DHRSX: variants seen among roughly 807,000 people sequenced by gnomAD.
DHRSX encodes the protein dehydrogenase/reductase X-linked, also known as polyprenol dehydrogenase.
DHRSX carries 31 observed loss-of-function variants against 34.0 expected under a neutral mutation model. The observed-to-expected ratio is 0.91, with a 90% confidence interval of 0.69 to 1.23. The LOEUF (loss-of-function observed/expected upper bound fraction) is 1.23. DHRSX is among the 50% of genes most tolerant of loss of function. DHRSX has a pLI of 0.00. For missense variants in DHRSX, 414 were observed against 428.1 expected, an observed-to-expected ratio of 0.97 and a Z score of 0.29; for synonymous variants, 201 against 183.8, an observed-to-expected ratio of 1.09 and a Z score of -0.76.
intron 1 of DHRSX, among the ~76,000 whole-genome samples, chrX:2,479,492 C>A (rs764365774): frequency 1.3e-5 from 2 of 151,776 alleles, no homozygotes; most frequent in Non-Finnish European, 2.9e-5. Context: ...ACGGGACCAC[C>A]GTGTACGCAC....
At chrX:2,426,256 T>C (rs2043845258) in intron 1 of DHRSX, among the ~76,000 whole-genome samples, 1 of 152,186 alleles carries the variant, frequency 6.6e-6, no homozygotes, top group Non-Finnish European at 1.5e-5. Flanking sequence ...GCAGATAGCA[T>C]CTCACTTGAA....
rs1219872524 is a variant in DHRSX, at chrX:2,276,538, A to G, written c.389-9591T>C. ...AATTCAAAGGTGGAAAATACGCAAT[A>G]CAATTATCGTTCATTGGTCTGTGCA... On this transcript the variant is annotated intron_variant, in intron 4 of 6. Coordinates refer to ENST00000334651, the MANE Select transcript of DHRSX (RefSeq NM_145177.3). Among the ~76,000 whole-genome samples, 5 of 152,174 alleles carry G rather than the reference A, an allele frequency of 3.3e-5. No homozygotes were observed. The East Asian group carries it at 9.6e-4, about 29-fold the overall frequency.
At chrX:2,270,429 G>A (rs981606311) in intron 4 of DHRSX, among the ~76,000 whole-genome samples, 25 of 152,248 alleles carry the variant, frequency 1.6e-4, no homozygotes, top group African/African-American at 5.5e-4. Context: ...TCCAGCTCCC[G>A]AAGAGACAAG....
At chrX:2,282,568 G>A (rs1440433149) in intron 4 of DHRSX, among the ~76,000 whole-genome samples, 1 of 145,458 alleles carries the variant, frequency 6.9e-6, no homozygotes, top group Non-Finnish European at 1.5e-5. Flanking sequence ...GTGCGAGAGG[G>A]AAACAGAAAG....
At chrX:2,230,032 G>C (rs1041049793) in intron 6 of DHRSX, among the ~76,000 whole-genome samples, 1 of 152,208 alleles carries the variant, frequency 6.6e-6, no homozygotes, top group Non-Finnish European at 1.5e-5. Flanking sequence ...TGTGGGCACA[G>C]ATGTGTGGAT....
chrX:2,400,125 A>G (rs1471662907), intron 3 of DHRSX, among the ~76,000 whole-genome samples: 1 of 152,338 alleles, frequency 6.6e-6, no homozygotes, highest in East Asian at 1.9e-4. Flanking sequence ...TCTCGGGAAT[A>G]AACATAATTA....
At chrX:2,469,132 G>GT (rs2044547502) in intron 1 of DHRSX, among the ~76,000 whole-genome samples, 2 of 151,936 alleles carry the variant, frequency 1.3e-5, no homozygotes, top group Non-Finnish European at 2.9e-5. Context: ...CCCTAACAAT[G>GT]CGCCCAAGGG....
At chrX:2,246,597 T>C in intron 5 of DHRSX, among the ~76,000 whole-genome samples, 1 of 147,002 alleles carries the variant, frequency 6.8e-6, no homozygotes, top group East Asian at 2.0e-4. Context: ...TACTCCAGCC[T>C]GGGCAACAGA....
At chrX:2,371,716 C>T (rs1002004118) in intron 3 of DHRSX, among the ~76,000 whole-genome samples, 1 of 150,048 alleles carries the variant, frequency 6.7e-6, no homozygotes, top group Non-Finnish European at 1.5e-5. Context: ...ATTATCACAG[C>T]CCCTCCTCCT....
At chrX:2,388,467 G>A (rs2043297484) in intron 3 of DHRSX, among the ~76,000 whole-genome samples, 1 of 152,080 alleles carries the variant, frequency 6.6e-6, no homozygotes, top group African/African-American at 2.4e-5. Flanking sequence ...GGACAACCCT[G>A]TGAGGACACA....
chrX:2,352,951 C>T (rs2042805618), intron 3 of DHRSX, among the ~76,000 whole-genome samples: 1 of 152,104 alleles, frequency 6.6e-6, no homozygotes, highest in Non-Finnish European at 1.5e-5. Flanking sequence ...ACCAAGAGTC[C>T]AAAACCAGGC....
chrX:2,317,269 T>TTTTTTTTTTTTTG (rs1569487959), intron 3 of DHRSX, among the ~76,000 whole-genome samples: 1 of 132,950 alleles, frequency 7.5e-6, no homozygotes, highest in African/African-American at 2.9e-5. Flanking sequence ...TTTTTTTTTT[T>TTTTTTTTTTTTTG]GAGACAGAGT....
At chrX:2,382,696 TCATCAC>T (rs1475537153) in intron 3 of DHRSX, among the ~76,000 whole-genome samples, 3 of 59,664 alleles carry the variant, frequency 5.0e-5, no homozygotes, top group Non-Finnish European at 1.2e-4. Context: ...ATCATCACCA[TCATCAC>T]CATCACCATC....
At chrX:2,356,563 A>G (rs1569493167) in intron 3 of DHRSX, among the ~76,000 whole-genome samples, 1 of 152,186 alleles carries the variant, frequency 6.6e-6, no homozygotes, top group Non-Finnish European at 1.5e-5. Flanking sequence ...AACTGGGAGA[A>G]AGAGACACAG....
intron 1 of DHRSX, among the ~76,000 whole-genome samples, chrX:2,485,805 A>AG (rs2044899169): frequency 2.5e-5 from 1 of 40,082 alleles, no homozygotes; most frequent in African/African-American, 9.0e-5. Context: ...GAGAGAAGGA[A>AG]GGAAGGGAGA....
chrX:2,361,086 G>C (rs1443432335), intron 3 of DHRSX, among the ~76,000 whole-genome samples: 3 of 152,092 alleles, frequency 2.0e-5, no homozygotes, highest in African/African-American at 2.4e-5. Flanking sequence ...AACATTTCAA[G>C]AGGAGACACT....
intron 6 of DHRSX, among the ~76,000 whole-genome samples, chrX:2,238,763 T>C (rs2016074943): frequency 6.6e-6 from 1 of 151,712 alleles, no homozygotes. Context: ...TTTTTTTTTT[T>C]TAATAGAGAT....
intron 3 of DHRSX, among the ~76,000 whole-genome samples, chrX:2,346,854 G>A (rs369899946): frequency 4.0e-5 from 6 of 151,818 alleles, no homozygotes; most frequent in African/African-American, 1.5e-4. Flanking sequence ...CTGTGTCCAT[G>A]TGTTCTCATT....
chrX:2,349,644 G>A (rs2042762762), intron 3 of DHRSX, among the ~76,000 whole-genome samples: 4 of 151,996 alleles, frequency 2.6e-5, no homozygotes, highest in African/African-American at 7.3e-5. Context: ...CTGAGATCAC[G>A]CCACTGCACT....
Sources: allele counts gnomAD v4.1 joint callset (sites outside exome capture counted in the v4.1 genomes callset), GRCh38; gene constraint gnomAD v4.1.1; transcripts MANE v1.5; gene names NCBI Gene and HGNC (gene_info 2026-07-23, HGNC 2026-07-21).